The following TENM3 variants were observed in gnomAD, a reference collection of about 807,000 sequenced individuals.
TENM3 encodes the protein teneurin-3.
In TENM3, 63 loss-of-function variants were observed where a neutral mutation model predicts 255.1. The observed-to-expected ratio is 0.25, with a 90% CI of 0.20 to 0.30. The LOEUF (loss-of-function observed/expected upper bound fraction) is 0.30, where lower values mean the gene tolerates loss of function less well. TENM3 is among the 10% of genes least tolerant of loss of function. The pLI is 1.00. For synonymous variants in TENM3, 1,306 were observed against 1,322.3 expected (o/e 0.99, Z 0.27); for missense variants, 2,929 against 3,461.1 (o/e 0.85, Z 3.86).
intron 1 of TENM3, among the ~76,000 whole-genome samples, chr4:182,317,309 T>A (rs192385042): frequency 6.6e-6 from 1 of 152,194 alleles, no homozygotes; most frequent in East Asian, 1.9e-4. Flanking sequence ...CTTTGTGGGG[T>A]GTTTTTTCGA....
intron 2 of TENM3, among the ~76,000 whole-genome samples, chr4:182,334,241 A>G (rs1763959844): frequency 6.6e-6 from 1 of 152,186 alleles, no homozygotes; most frequent in Admixed American, 6.5e-5. Context: ...ATGCTATGTG[A>G]CCTAATGTGA....
At chr4:182,305,618 C>T (rs1483220828) in intron 1 of TENM3, among the ~76,000 whole-genome samples, 11 of 152,186 alleles carry the variant, frequency 7.2e-5, no homozygotes, top group Non-Finnish European at 1.5e-4. Context: ...TAAACTAGGT[C>T]CTTCCGATGT....
At chr4:181,682,845 G>A in the TENM3 span, among the ~76,000 whole-genome samples, 8 of 152,030 alleles carry the variant, frequency 5.3e-5, no homozygotes, top group East Asian at 3.9e-4. Context: ...TTCATGTTAC[G>A]GTCAGGCACA....
chr4:181,952,166 A>C, the TENM3 span, among the ~76,000 whole-genome samples: 1 of 152,316 alleles, frequency 6.6e-6, no homozygotes, highest in East Asian at 1.9e-4. Context: ...ACATTGTTAT[A>C]AAGCTATTTG....
intron 1 of TENM3, among the ~76,000 whole-genome samples, chr4:182,314,779 C>T (rs917537001): frequency 6.6e-6 from 1 of 152,056 alleles, no homozygotes; most frequent in Non-Finnish European, 1.5e-5. Flanking sequence ...GATTTTTGAC[C>T]TAGTTGGGTT....
At chr4:181,721,255 T>C in the TENM3 span, among the ~76,000 whole-genome samples, 2 of 150,452 alleles carry the variant, frequency 1.3e-5, no homozygotes, top group South Asian at 2.1e-4. Context: ...CAAGGTAGAG[T>C]TGTGAATGTC....
the TENM3 span, among the ~76,000 whole-genome samples, chr4:181,479,769 T>C: frequency 6.6e-6 from 1 of 152,170 alleles, no homozygotes; most frequent in Non-Finnish European, 1.5e-5. Context: ...AAGATTGAAA[T>C]GTAAAATAAA....
At chr4:181,785,893 T>C in the TENM3 span, among the ~76,000 whole-genome samples, 1 of 152,098 alleles carries the variant, frequency 6.6e-6, no homozygotes, top group African/African-American at 2.4e-5. Flanking sequence ...AGTGTCTTAA[T>C]GTGGGAGTGG....
intron 1 of TENM3, among the ~76,000 whole-genome samples, chr4:182,197,739 A>C (rs1753919148): frequency 6.6e-6 from 1 of 152,220 alleles, no homozygotes; most frequent in South Asian, 2.1e-4. Context: ...GTGCCCTTTC[A>C]GTAAAGTTTC....
At chr4:181,606,474 T>C in the TENM3 span, among the ~76,000 whole-genome samples, 1 of 152,146 alleles carries the variant, frequency 6.6e-6, no homozygotes, top group African/African-American at 2.4e-5. Flanking sequence ...CTCAGTTACA[T>C]ACTGTGTGCA....
At chr4:181,920,518 T>C in the TENM3 span, among the ~76,000 whole-genome samples, 1 of 152,362 alleles carries the variant, frequency 6.6e-6, no homozygotes, top group Non-Finnish European at 1.5e-5. Flanking sequence ...GTTTTTTGGC[T>C]GCATAAATGT....
At chr4:182,615,060 TA>T in intron 4 of TENM3, among the ~76,000 whole-genome samples, 1 of 125,474 alleles carries the variant, frequency 8.0e-6, no homozygotes, top group South Asian at 2.6e-4. Context: ...TATATATATA[TA>T]TATATGTATT....
intron 1 of TENM3, among the ~76,000 whole-genome samples, chr4:182,254,138 G>C (rs968179730): frequency 9.2e-5 from 14 of 152,150 alleles, no homozygotes; most frequent in Middle Eastern, 3.4e-3. Flanking sequence ...TTTTCTCAAG[G>C]GAGAAAAATT....
chr4:182,626,312 T>C (rs1750814698), intron 4 of TENM3, among the ~76,000 whole-genome samples: 1 of 152,236 alleles, frequency 6.6e-6, no homozygotes, highest in African/African-American at 2.4e-5. Context: ...TTTGATGATG[T>C]TACATTTTGA....
intron 3 of TENM3, among the ~76,000 whole-genome samples, chr4:182,357,545 C>T (rs201712470): frequency 1.4e-5 from 2 of 147,864 alleles, no homozygotes; most frequent in Non-Finnish European, 3.0e-5. Flanking sequence ...ATGTCCTTCG[C>T]CCACTTTTTG....
At chr4:182,324,299 T>C (rs1361774949) in intron 2 of TENM3, 47 bp downstream of exon 2, 1 of 1,395,772 alleles carries the variant, frequency 7.2e-7, no homozygotes, top group Non-Finnish European at 1.0e-6. Flanking sequence ...CGTTACTAAC[T>C]TGTAGGTGTC....
At chr4:182,128,462 G>A in the TENM3 span, among the ~76,000 whole-genome samples, 1 of 152,056 alleles carries the variant, frequency 6.6e-6, no homozygotes, top group African/African-American at 2.4e-5. Context: ...ACAAACATGA[G>A]CTACTGATGC....
At chr4:181,531,117 G>A in the TENM3 span, among the ~76,000 whole-genome samples, 1 of 152,036 alleles carries the variant, frequency 6.6e-6, no homozygotes, top group Admixed American at 6.6e-5. Flanking sequence ...AATTACATGT[G>A]TAAATGTCAT....
the TENM3 span, among the ~76,000 whole-genome samples, chr4:182,036,851 T>A: frequency 6.6e-6 from 1 of 151,878 alleles, no homozygotes; most frequent in South Asian, 2.1e-4. Flanking sequence ...CTAATTTATC[T>A]TGCTGATTTT....
Sources: gnomAD v4.1 joint callset for allele counts (sites outside exome capture counted in the v4.1 genomes callset) on GRCh38, gnomAD v4.1.1 for gene constraint, MANE v1.5 for transcripts, NCBI Gene and HGNC (gene_info 2026-07-23, HGNC 2026-07-21) for gene names.